The following C12orf50 variants were observed in gnomAD, a reference collection of about 807,000 sequenced individuals.
C12orf50 encodes the protein uncharacterized protein C12orf50.
Under a neutral mutation model 61.6 loss-of-function variants are expected in C12orf50, and 35 were observed. That is an observed-to-expected ratio of 0.57 (90% CI 0.43 to 0.75). The LOEUF is 0.75. Ranked by LOEUF, C12orf50 falls within the 30% of genes least tolerant of loss-of-function variation. C12orf50 has a pLI of 0.00. For missense variants in C12orf50, 475 were observed against 488.5 expected, an observed-to-expected ratio of 0.97 and a Z score of 0.26; for synonymous variants, 178 against 161.5, an observed-to-expected ratio of 1.10 and a Z score of -0.77.
At chr12:87,993,927 C>T (rs1006068626) in intron 7 of C12orf50, among the ~76,000 whole-genome samples, 5 of 152,116 alleles carry the variant, frequency 3.3e-5, no homozygotes, top group East Asian at 1.9e-4. Context: ...CCACTGGGCT[C>T]GGTGGCTCGT....
intron 3 of C12orf50, among the ~76,000 whole-genome samples, chr12:88,025,426 A>C (rs2032666146): frequency 6.6e-6 from 1 of 152,188 alleles, no homozygotes; most frequent in African/African-American, 2.4e-5. Context: ...ATGGAGGTTT[A>C]AGGAGAGGGA....
Position 87,986,031 on chromosome 12 carries a change from T to C in C12orf50, c.945A>G (p.Gln315=). 6.2e-7 allele frequency: 1 copy of C among 1,613,820 alleles called. No homozygotes were observed. The highest frequency in any genetic ancestry group is 8.5e-7 in the Non-Finnish European group (1 of 1,179,810). Residue 315 remains glutamine, a synonymous_variant, in exon 11 of 13, where the codon CAA becomes CAG. Coordinates refer to ENST00000298699, the MANE Select transcript of C12orf50 (RefSeq NM_152589.3). ...MQRAVQAPRP[Q]NKMSYHRNNK... is the part of the protein sequence containing the mutation. ...TATTGCGGTGATAACTCATTTTATTTTGGGGTCTTGGGGCCTGTACTGCTG... is the reference window on the plus strand; with the variant it reads ...TATTGCGGTGATAACTCATTTTATTCTGGGGTCTTGGGGCCTGTACTGCTG...
At chr12:88,012,478 G>A (rs1170244254) in intron 3 of C12orf50, among the ~76,000 whole-genome samples, 1 of 152,150 alleles carries the variant, frequency 6.6e-6, no homozygotes, top group Non-Finnish European at 1.5e-5. Context: ...GTCCTTCAAA[G>A]AGTACAAGAA....
chr12:88,020,068 A>G (rs2136488469), intron 3 of C12orf50, among the ~76,000 whole-genome samples: 1 of 152,354 alleles, frequency 6.6e-6, no homozygotes, highest in Non-Finnish European at 1.5e-5. Context: ...AAAGACAGTT[A>G]CCAGTCACTA....
chr12:87,989,579 T>C (rs905164344), intron 7 of C12orf50, among the ~76,000 whole-genome samples: 3 of 152,098 alleles, frequency 2.0e-5, no homozygotes, highest in Non-Finnish European at 2.9e-5. Flanking sequence ...GTATGTAAAC[T>C]TACATATAGA....
chr12:87,996,331 A>G (rs1382745099), intron 6 of C12orf50, 43 bp downstream of exon 6: 5 of 1,279,910 alleles, frequency 3.9e-6, no homozygotes, highest in East Asian at 4.6e-5. Flanking sequence ...CACACCAAGT[A>G]TATGTTATAG....
At chr12:88,027,132 T>C in intron 1 of C12orf50, 62 bp from the exon 2 acceptor site, 1 of 1,475,054 alleles carries the variant, frequency 6.8e-7, no homozygotes, top group Non-Finnish European at 9.0e-7. Context: ...TCAACAACAA[T>C]AGGTTGCTAA....
rs2030607035 is a variant in C12orf50 at position 87,983,196 on chromosome 12, CTGAGGG to C, written c.1127-7_1127-2del. The C allele has an allele frequency of 6.4e-7, 1 of 1,574,220 alleles. No homozygotes were observed. Among genetic ancestry groups the C allele is most frequent in the African/African-American group, 1.4e-5 (1 of 73,110 alleles). ...TTATATGATGTTGACGTATATTTGT[CTGAGGG>C]AAAAAAATCCAGAATTAAATATTTT... On this transcript the variant is annotated splice_acceptor_variant and splice_polypyrimidine_tract_variant and intron_variant, in intron 11 of 12. Coordinates refer to ENST00000298699, the MANE Select transcript of C12orf50 (RefSeq NM_152589.3). LOFTEE classifies it high-confidence loss of function.
chr12:87,983,630 A>C (rs1172290358), intron 11 of C12orf50: 1 of 151,592 alleles, frequency 6.6e-6, no homozygotes, highest in Non-Finnish European at 1.5e-5. Flanking sequence ...TATGAGTGAG[A>C]ACATGCGGTG....
At chr12:88,000,932 T>A (rs2031629205) in intron 3 of C12orf50, among the ~76,000 whole-genome samples, 1 of 151,856 alleles carries the variant, frequency 6.6e-6, no homozygotes, top group Admixed American at 6.6e-5. Flanking sequence ...ATTTCTAGAA[T>A]TTTCTAAATA....
intron 12 of C12orf50, among the ~76,000 whole-genome samples, chr12:87,980,967 G>T (rs1468970057): frequency 6.6e-6 from 1 of 152,116 alleles, no homozygotes; most frequent in Non-Finnish European, 1.5e-5. Flanking sequence ...ATATGTGCAG[G>T]AAGAAACATA....
At chr12:88,012,712 A>G (rs1251559327) in intron 3 of C12orf50, among the ~76,000 whole-genome samples, 1 of 152,302 alleles carries the variant, frequency 6.6e-6, no homozygotes, top group Non-Finnish European at 1.5e-5. Flanking sequence ...AAATAAATGA[A>G]CAAATCCCCA....
chr12:88,002,708 A>G (rs1298090845), intron 3 of C12orf50, among the ~76,000 whole-genome samples: 1 of 151,660 alleles, frequency 6.6e-6, no homozygotes, highest in Non-Finnish European at 1.5e-5. Flanking sequence ...ATAATTATTG[A>G]TATAGTTGGA....
chr12:88,021,174 A>G (rs2032502740), intron 3 of C12orf50, among the ~76,000 whole-genome samples: 1 of 152,172 alleles, frequency 6.6e-6, no homozygotes, highest in African/African-American at 2.4e-5. Flanking sequence ...ACAAGAAATT[A>G]CCAAAATTAG....
At chr12:87,994,821 T>A in intron 6 of C12orf50, 78 bp from the exon 7 acceptor site, 2 of 886,878 alleles carry the variant, frequency 2.3e-6, no homozygotes, top group Admixed American at 2.3e-5. Context: ...GAATGCATGA[T>A]GAAAGTAAAA....
intron 1 of C12orf50, among the ~76,000 whole-genome samples, chr12:88,027,597 T>C (rs2032754661): frequency 2.0e-5 from 3 of 152,334 alleles, no homozygotes; most frequent in South Asian, 4.1e-4. Flanking sequence ...TATTATGATA[T>C]ACTACATTAA....
chr12:88,027,129 C>A (rs2032737628), intron 1 of C12orf50, 59 bp from the exon 2 acceptor site: 13 of 1,476,132 alleles, frequency 8.8e-6, no homozygotes, highest in Middle Eastern at 1.8e-4. Flanking sequence ...TGTTCAACAA[C>A]AATAGGTTGC....
intron 9 of C12orf50, among the ~76,000 whole-genome samples, chr12:87,987,587 A>T (rs1234692910): frequency 1.3e-5 from 2 of 152,168 alleles, no homozygotes; most frequent in Non-Finnish European, 2.9e-5. Flanking sequence ...AGGTTATGCT[A>T]GTGAATCTTC....
intron 3 of C12orf50, among the ~76,000 whole-genome samples, chr12:88,022,348 T>C (rs978907083): frequency 6.6e-6 from 1 of 152,028 alleles, no homozygotes; most frequent in African/African-American, 2.4e-5. Flanking sequence ...TGAAGAAACG[T>C]ACTTCAAAAT....
Sources: gnomAD v4.1 joint callset for allele counts (sites outside exome capture counted in the v4.1 genomes callset) on GRCh38, gnomAD v4.1.1 for gene constraint, MANE v1.5 for transcripts, NCBI Gene and HGNC (gene_info 2026-07-23, HGNC 2026-07-21) for gene names.